Variants in LMLN observed in about 807,000 individuals in gnomAD.
LMLN encodes the protein leishmanolysin-like peptidase.
LMLN carries 70 observed loss-of-function variants against 92.3 expected under a neutral mutation model. The ratio of observed to expected loss-of-function variants is 0.76; its 90% CI spans 0.63 to 0.92. The LOEUF (loss-of-function observed/expected upper bound fraction) is 0.92, where lower values mean the gene tolerates loss of function less well. Ranked by LOEUF, LMLN falls within the 40% of genes least tolerant of loss-of-function variation. LMLN has a pLI of 0.00. For synonymous variants in LMLN, 308 were observed against 296.2 expected (o/e 1.04, Z -0.41); for missense variants, 691 against 814.6 (o/e 0.85, Z 1.85).
intron 11 of LMLN, chr3:197,999,580 G>C: frequency 2.1e-6 from 1 of 477,708 alleles, no homozygotes. Context: ...GCGCAGGCTG[G>C]AGTGCAGTGG....
rs1581184989 is a variant in LMLN, at chr3:198,031,564, G to A, written c.1657-4269G>A. On this transcript the variant is annotated intron_variant, in intron 14 of 15. Transcript: ENST00000330198. This position sits in a 1 kb window ranked among gnomAD's most constrained non-coding sequence, Gnocchi z 4.8. The stretch of plus-strand genomic sequence containing the variant: ...TTATTTTCCTAATGGATGATTGGGT[G>A]CAGGAAAAAAAGAAAGAAAATTATT... Among the ~76,000 whole-genome samples the A allele has an allele frequency of 6.6e-6, 1 of 152,206 alleles. No homozygotes were observed. The highest frequency in any genetic ancestry group is 1.5e-5 in the Non-Finnish European group (1 of 68,016).
intron 11 of LMLN, among the ~76,000 whole-genome samples, chr3:198,002,270 AG>A (rs1722194958): frequency 6.6e-6 from 1 of 152,026 alleles, no homozygotes; most frequent in Admixed American, 6.6e-5. Flanking sequence ...TGAGACTATA[AG>A]TACACACCAC....
intron 8 of LMLN, among the ~76,000 whole-genome samples, chr3:197,988,864 T>C (rs1349187575): frequency 1.3e-5 from 2 of 152,042 alleles, no homozygotes; most frequent in Non-Finnish European, 2.9e-5. Context: ...GTGTTTTTAG[T>C]AGAGACGGAA....
intron 1 of LMLN, among the ~76,000 whole-genome samples, chr3:197,968,638 C>G (rs1462820466): frequency 6.6e-6 from 1 of 152,244 alleles, no homozygotes; most frequent in South Asian, 2.1e-4. Flanking sequence ...TGTTCCTCTG[C>G]CGCGCCTCCA....
Position 198,020,768 on chromosome 3 carries a change from A to ATTTTT in LMLN, c.1366-650_1366-646dup, listed in dbSNP as rs71166715. 2.2e-3 allele frequency among the ~76,000 whole-genome samples: 73 copies of ATTTTT among 32,868 alleles called. 3 individuals are homozygous for ATTTTT. The highest frequency in any genetic ancestry group is 3.0e-3 in the Non-Finnish European group (55 of 18,560). The allele number at this position is 32,868 out of a possible 152,430, so 21.6% of individuals were successfully genotyped here. On this transcript the variant is annotated intron_variant, in intron 12 of 15. Transcript: ENST00000330198. ...GCCACCACACCCAGCTAATTTTTGT[A>ATTTTT]TTTTTTTTTTTTTTTTTTTTTTTTT...
intron 10 of LMLN, among the ~76,000 whole-genome samples, chr3:197,998,419 T>G (rs1437331068): frequency 6.6e-6 from 1 of 150,874 alleles, no homozygotes; most frequent in East Asian, 1.9e-4. Context: ...GGAAGTGTGG[T>G]TTTTTTTTCC....
intron 9 of LMLN, among the ~76,000 whole-genome samples, chr3:197,991,072 G>T (rs781762070): frequency 6.6e-6 from 1 of 151,908 alleles, no homozygotes; most frequent in Non-Finnish European, 1.5e-5. Context: ...GAGAGGAGGG[G>T]AGGAAGAGAT....
intron 10 of LMLN, among the ~76,000 whole-genome samples, chr3:197,997,343 A>G (rs1242320040): frequency 6.6e-6 from 1 of 152,104 alleles, no homozygotes; most frequent in Non-Finnish European, 1.5e-5. Context: ...CATGTTGCCC[A>G]GGCTGACCTC....
At chr3:198,021,207 A>G (rs1255002507) in intron 12 of LMLN, among the ~76,000 whole-genome samples, 3 of 152,202 alleles carry the variant, frequency 2.0e-5, no homozygotes, top group Non-Finnish European at 4.4e-5. Flanking sequence ...ATTTAACATT[A>G]TGATATATAA....
chr3:197,969,612 A>G (rs190056661), intron 1 of LMLN, among the ~76,000 whole-genome samples: 41 of 152,288 alleles, frequency 2.7e-4, no homozygotes, highest in African/African-American at 7.7e-4. Flanking sequence ...AGTTTGTTTT[A>G]TGGCCCAAAA....
At chr3:198,033,053 TTA>T (rs1723119666) in intron 14 of LMLN, among the ~76,000 whole-genome samples, 1 of 152,184 alleles carries the variant, frequency 6.6e-6, no homozygotes, top group Non-Finnish European at 1.5e-5. Context: ...CCTGAGTCTG[TTA>T]TGTCTGCTGC....
At chr3:197,981,593 C>G (rs560265907) in intron 6 of LMLN, among the ~76,000 whole-genome samples, 2 of 152,270 alleles carry the variant, frequency 1.3e-5, no homozygotes, top group African/African-American at 4.8e-5. Context: ...TCTTCATTTA[C>G]AAAAGATTTC....
In LMLN at chr3:198,038,560, A is replaced by C; in HGVS notation, c.1868-7A>C. ...ATAGAAAGTCAGTTTTTTGTTTTCA[A>C]CTCTAGATCTTTGTTCCTGTTCCTC... On this transcript the variant is annotated splice_polypyrimidine_tract_variant and splice_region_variant and intron_variant, in intron 15 of 15. Transcript: ENST00000330198. 6.2e-7 allele frequency: 1 copy of C among 1,608,044 alleles called. No individual in the cohort carries two copies. The highest frequency in any genetic ancestry group is 1.3e-5 in the African/African-American group (1 of 74,846).
chr3:198,021,635 A>G lies in LMLN; in HGVS notation c.1525+30A>G, dbSNP rs765070474. On this transcript the variant is annotated intron_variant, in intron 13 of 15. Transcript: ENST00000330198. ...GTCGGCTAGTGAAATGAAGTATTAT[A>G]TACATATTAAAATTATGTATTAGCA... The G allele has an allele frequency of 3.8e-6, 6 of 1,581,382 alleles. No individual in the cohort carries two copies. In the Admixed American group the frequency reaches 5.1e-5, roughly 13 times the overall value.
chr3:197,996,337 T>C, intron 10 of LMLN, 55 bp downstream of exon 10: 2 of 1,179,292 alleles, frequency 1.7e-6, no homozygotes, highest in Non-Finnish European at 2.4e-6. Context: ...AATTCATAAT[T>C]ATGGTAAAAC....
chr3:197,990,769 A>G (rs778551237), intron 9 of LMLN, 93 bp downstream of exon 9: 185 of 565,672 alleles, frequency 3.3e-4, no homozygotes, highest in Non-Finnish European at 4.9e-4. Context: ...TTAAGAACTT[A>G]TAATTAGAGC....
chr3:197,982,044 G>A (rs1243498793), intron 6 of LMLN, among the ~76,000 whole-genome samples: 1 of 152,078 alleles, frequency 6.6e-6, no homozygotes, highest in East Asian at 1.9e-4. Context: ...GACCTCAGGT[G>A]ATCTGCCTTC....
intron 11 of LMLN, chr3:197,999,560 C>T (rs141988559): frequency 6.1e-5 from 33 of 539,156 alleles, no homozygotes; most frequent in African/African-American, 5.7e-4. Flanking sequence ...AATAGGGTCT[C>T]ACTCCTTCTG....
chr3:198,037,506 C>T (rs1001907995), intron 15 of LMLN, among the ~76,000 whole-genome samples: 1 of 152,134 alleles, frequency 6.6e-6, no homozygotes. Flanking sequence ...AAAAATCAGC[C>T]ACATGTGGTG....
Sources: allele counts gnomAD v4.1 joint callset (sites outside exome capture counted in the v4.1 genomes callset), GRCh38; gene constraint gnomAD v4.1.1; non-coding constraint Gnocchi (gnomAD v3.1); transcripts MANE v1.5; gene names NCBI Gene and HGNC (gene_info 2026-07-23, HGNC 2026-07-21).